The following BOC variants were observed in gnomAD, a reference collection of about 807,000 sequenced individuals.
BOC encodes BOC cell adhesion associated, oncogene regulated.
BOC carries 76 observed loss-of-function variants against 112.0 expected under a neutral mutation model. That is an observed-to-expected ratio of 0.68 (90% CI 0.56 to 0.82). The LOEUF (loss-of-function observed/expected upper bound fraction) is 0.82, where lower values mean the gene tolerates loss of function less well. Ranked by LOEUF, BOC falls within the 40% of genes least tolerant of loss-of-function variation. The pLI, the probability that BOC is intolerant of heterozygous loss-of-function variation, is 0.00. For synonymous variants in BOC, 580 were observed against 599.8 expected (o/e 0.97, Z 0.48); for missense variants, 1,309 against 1,511.7 (o/e 0.87, Z 2.22).
In BOC at chr3:113,270,865, C is replaced by A. The variant is rs116753419; in HGVS notation, c.588C>A (p.Gly196=). The A allele has an allele frequency of 6.3e-4, 1,012 of 1,614,166 alleles. 6 individuals carry two copies. The African/African-American group carries it at 0.012, about 19-fold the overall frequency. The change falls in exon 6 of 20, where the codon GGC becomes GGA. Residue 196 remains glycine, a synonymous_variant. Coordinates refer to ENST00000682979, the MANE Select transcript of BOC (RefSeq NM_001378074.1). The part of the protein sequence containing the change: ...QIVNASQEDE[G]MYKCAAYNPV... ...TGAATGCCAGCCAGGAGGACGAGGGCATGTACAAGTGTGCAGCCTACAACC... is the reference window on the plus strand; with the variant it reads ...TGAATGCCAGCCAGGAGGACGAGGGAATGTACAAGTGTGCAGCCTACAACC...
In BOC at chr3:113,287,061, A is replaced by T. The variant is rs2107778141; in HGVS notation, c.*199A>T. On this transcript the variant is annotated 3_prime_UTR_variant, in exon 20 of 20. Coordinates refer to ENST00000682979, the MANE Select transcript of BOC (RefSeq NM_001378074.1). ...CTACCCGTTGAGGTTGGAGAGGGAA[A>T]ATAAAGAAGCTGCCACCTAACAGGA... 1 of 675,122 alleles carries T rather than the reference A, an allele frequency of 1.5e-6. No homozygotes were observed. Among genetic ancestry groups the T allele is most frequent in the East Asian group, 3.6e-5 (1 of 27,814 alleles). The allele number at this position is 675,122 out of a possible 1,614,324, so 41.8% of individuals were successfully genotyped here.
At chr3:113,250,979 G>A (rs1945560171) in intron 4 of BOC, 146 bp downstream of exon 4, 1 of 1,012,104 alleles carries the variant, frequency 9.9e-7, no homozygotes, top group Admixed American at 2.3e-5. Flanking sequence ...AACAGTAGCT[G>A]CCTAGTAATG....
rs528938043 is a variant in BOC, at chr3:113,280,935, C to T, written c.2312-96C>T. The stretch of plus-strand genomic sequence containing the variant: ...CCCTGTGCCAGTCAGTGGCATCCTC[C>T]CCCACACACTGCCCCAGCTGAGTCT... On this transcript the variant is annotated intron_variant, in intron 14 of 19. Coordinates refer to ENST00000682979, the MANE Select transcript of BOC (RefSeq NM_001378074.1). 26 of 1,519,020 alleles carry T rather than the reference C, an allele frequency of 1.7e-5. 1 individual carries two copies. In the South Asian group the frequency reaches 2.8e-4, roughly 16 times the overall value. 94.1% of individuals were successfully genotyped at this position (1,519,020 alleles called of 1,614,324 possible). A position where few individuals can be genotyped will look rare whatever the true frequency, so the allele number is the denominator to read the frequency against.
chr3:113,212,147 C>G (rs1938266465), intron 1 of BOC, 131 bp downstream of exon 1: 1 of 151,084 alleles, frequency 6.6e-6, no homozygotes, highest in Non-Finnish European at 1.5e-5. Flanking sequence ...GGGGACGTGC[C>G]GGCGGCGGGA....
intron 2 of BOC, among the ~76,000 whole-genome samples, chr3:113,248,846 C>T (rs533009252): frequency 2.6e-5 from 4 of 152,132 alleles, no homozygotes; most frequent in African/African-American, 9.6e-5. Flanking sequence ...GCTGGAGGTG[C>T]AGTGTGGTCT....
chr3:113,270,860 G>A lies in BOC; in HGVS notation c.583G>A (p.Glu195Lys), dbSNP rs745591558. 19 of 1,614,044 alleles carry A rather than the reference G, an allele frequency of 1.2e-5. No homozygotes were observed. Among genetic ancestry groups the A allele is most frequent in the South Asian group, 2.2e-5 (2 of 91,086 alleles). Residue 195 changes from glutamate to lysine, a missense_variant, in exon 6 of 20, where the codon GAG (glutamate) becomes AAG (lysine). Physicochemically the swap from Glu to Lys is moderately conservative, Grantham distance 56. Coordinates refer to ENST00000682979, the MANE Select transcript of BOC (RefSeq NM_001378074.1). ...LQIVNASQEDEGMYKCAAYNP... is the reference protein window; with the variant it reads ...LQIVNASQEDKGMYKCAAYNP... ...GATTGTGAATGCCAGCCAGGAGGAC[G>A]AGGGCATGTACAAGTGTGCAGCCTA...
At chr3:113,276,620 T>C (rs1948701498) in intron 9 of BOC, among the ~76,000 whole-genome samples, 1 of 152,350 alleles carries the variant, frequency 6.6e-6, no homozygotes, top group African/African-American at 2.4e-5. Context: ...TTCATCCCCC[T>C]TCTCTTGCTG....
intron 15 of BOC, among the ~76,000 whole-genome samples, chr3:113,281,629 A>G (rs1949210582): frequency 6.6e-6 from 1 of 152,248 alleles, no homozygotes; most frequent in Non-Finnish European, 1.5e-5. Context: ...CACTTAAAAC[A>G]TGTTAAACAT....
intron 2 of BOC, among the ~76,000 whole-genome samples, chr3:113,219,352 A>T (rs562247352): frequency 6.6e-6 from 1 of 152,362 alleles, no homozygotes; most frequent in East Asian, 1.9e-4. Flanking sequence ...CTGCCATTTA[A>T]TGAGCACCTA....
rs1203983380 is a variant in BOC at position 113,250,759 on chromosome 3, T to C, written c.302T>C (p.Val101Ala). The change falls in exon 4 of 20, where the codon GTG (valine) becomes GCG (alanine). Residue 101 changes from valine to alanine, a missense_variant. Transcript: ENST00000682979. ...ATCACTGCCCTTAACAACCACACTGTGGGACGGTACCAGTGTGTGGCCCGG... is the reference window on the plus strand; with the variant it reads ...ATCACTGCCCTTAACAACCACACTGCGGGACGGTACCAGTGTGTGGCCCGG... ...LVITALNNHT[V>A]GRYQCVARMP... is the part of the protein sequence containing the mutation. 2 of 1,614,156 alleles carry C rather than the reference T, an allele frequency of 1.2e-6. No homozygotes were observed. Among genetic ancestry groups the C allele is most frequent in the South Asian group, 2.2e-5 (2 of 91,078 alleles).
chr3:113,222,571 G>C (rs911454750), intron 2 of BOC, among the ~76,000 whole-genome samples: 1 of 152,190 alleles, frequency 6.6e-6, no homozygotes, highest in African/African-American at 2.4e-5. Context: ...ATGTCCGTGG[G>C]TGTACCGGTT....
chr3:113,261,120 C>G (rs77876888), intron 4 of BOC, among the ~76,000 whole-genome samples: 3,272 of 152,298 alleles, frequency 0.021, 49 homozygotes, highest in Middle Eastern at 0.041. Flanking sequence ...GTCTCTCCCA[C>G]CTGGAGTTCT....
chr3:113,287,183 G>A lies in BOC; in HGVS notation c.*321G>A, dbSNP rs1949767270. 5.0e-6 allele frequency: 2 copies of A among 397,898 alleles called. No individual in the cohort carries two copies. The highest frequency in any genetic ancestry group is 3.7e-5 in the South Asian group (2 of 53,762). The allele number at this position is 397,898 out of a possible 1,614,324, so 24.6% of individuals were successfully genotyped here. ...GAGGCTGCAGGAGGCCCACAGATAA[G>A]CTGGCAAGAGGAAGGATCCCAGGCA... On this transcript the variant is annotated 3_prime_UTR_variant, in exon 20 of 20. Coordinates refer to ENST00000682979, the MANE Select transcript of BOC (RefSeq NM_001378074.1).
rs185100041 is a variant in BOC, at chr3:113,266,508, G to T, written c.377-1791G>T. ...GTTCACAGAACATTTGTTATGCTAG[G>T]CTCTTGTCTGTTTGTTCAAAATGTA... On this transcript the variant is annotated intron_variant, in intron 4 of 19. Coordinates refer to ENST00000682979, the MANE Select transcript of BOC (RefSeq NM_001378074.1). 2.6e-5 allele frequency among the ~76,000 whole-genome samples: 4 copies of T among 152,248 alleles called. No homozygotes were observed. In the South Asian group the frequency reaches 8.3e-4, roughly 32 times the overall value.
chr3:113,257,671 C>T (rs1022825163), intron 4 of BOC, among the ~76,000 whole-genome samples: 1 of 149,512 alleles, frequency 6.7e-6, no homozygotes, highest in Non-Finnish European at 1.5e-5. Flanking sequence ...CTTTCATTTC[C>T]AACAGTCATT....
At chr3:113,283,755 G>A in intron 16 of BOC, 123 bp downstream of exon 16, 2 of 923,328 alleles carry the variant, frequency 2.2e-6, no homozygotes, top group Non-Finnish European at 3.2e-6. Context: ...AGGTCTCGGA[G>A]GTCAGAGAAC....
chr3:113,227,282 T>C (rs1248539523), intron 2 of BOC, among the ~76,000 whole-genome samples: 3 of 152,214 alleles, frequency 2.0e-5, no homozygotes, highest in Non-Finnish European at 4.4e-5. Flanking sequence ...GCTTCCTTTA[T>C]GGGTCTGCAC....
intron 2 of BOC, among the ~76,000 whole-genome samples, chr3:113,220,848 A>G (rs1940484431): frequency 2.0e-5 from 3 of 152,314 alleles, no homozygotes; most frequent in Middle Eastern, 6.8e-3. Flanking sequence ...TCTGGTTAAC[A>G]TTCTTTTTTG....
intron 2 of BOC, among the ~76,000 whole-genome samples, chr3:113,233,327 G>A (rs1576358834): frequency 6.6e-6 from 1 of 152,124 alleles, no homozygotes; most frequent in Non-Finnish European, 1.5e-5. Flanking sequence ...GTCATGTGGA[G>A]GGTATAAATG....
Sources: allele counts gnomAD v4.1 joint callset (sites outside exome capture counted in the v4.1 genomes callset), GRCh38; gene constraint gnomAD v4.1.1; transcripts MANE v1.5; gene names NCBI Gene and HGNC (gene_info 2026-07-23, HGNC 2026-07-21).